Variants in GGA2 observed in about 807,000 individuals in gnomAD.
The protein encoded by GGA2 is ADP-ribosylation factor-binding protein GGA2.
Under a neutral mutation model 79.5 loss-of-function variants are expected in GGA2, and 48 were observed. That is an observed-to-expected ratio of 0.60 (90% CI 0.48 to 0.77). GGA2 has a LOEUF of 0.77. Among genes scored for constraint, GGA2 ranks in the 30% least tolerant of loss-of-function variants. The probability of loss-of-function intolerance (pLI) is 0.00; values close to 1 mark genes in which losing one functional copy is unlikely to be tolerated. For synonymous variants in GGA2, 317 were observed against 302.0 expected (o/e 1.05, Z -0.51); for missense variants, 770 against 774.0 (o/e 0.99, Z 0.06).
Position 23,465,651 on chromosome 16 carries a change from T to C in GGA2, c.*1939A>G, listed in dbSNP as rs1964427058. The C allele has an allele frequency of 2.0e-6, 1 of 500,724 alleles. No individual in the cohort carries two copies. 31.0% of individuals were successfully genotyped at this position (500,724 alleles called of 1,614,324 possible). A position where few individuals can be genotyped will look rare whatever the true frequency, so the allele number is the denominator to read the frequency against. On this transcript the variant is annotated 3_prime_UTR_variant, in exon 17 of 17. Transcript: ENST00000309859. ...CAACAGTAACAGAGCCTATAAAAGC[T>C]ACACAGAGGCCGGGTGCGGTGGCTC...
chr16:23,493,586 C>A, intron 3 of GGA2, 128 bp from the exon 4 acceptor site: 1 of 659,182 alleles, frequency 1.5e-6, no homozygotes, highest in Non-Finnish European at 2.7e-6. Context: ...CCTATGAGGA[C>A]ACTGAAGTTT....
chr16:23,499,304 C>G (rs1047289727), intron 1 of GGA2, among the ~76,000 whole-genome samples: 14 of 152,098 alleles, frequency 9.2e-5, no homozygotes, highest in South Asian at 4.1e-4. Flanking sequence ...ACCAACATGA[C>G]TGGCTAATTT....
chr16:23,519,250 C>G (rs1204126453), intron 2 of GGA2, among the ~76,000 whole-genome samples: 12 of 152,096 alleles, frequency 7.9e-5, no homozygotes, highest in African/African-American at 2.7e-4. Context: ...ACCATGTTTT[C>G]TAGGTTGGTC....
At chr16:23,486,979 C>T (rs1447916361) in intron 6 of GGA2, among the ~76,000 whole-genome samples, 189 bp from the exon 7 acceptor site, 1 of 89,898 alleles carries the variant, frequency 1.1e-5, no homozygotes, top group Non-Finnish European at 2.6e-5. Flanking sequence ...GTTTTCTTTT[C>T]TGTTGTTTTT....
chr16:23,474,176 G>A (rs1009611385), intron 14 of GGA2, among the ~76,000 whole-genome samples: 6 of 152,254 alleles, frequency 3.9e-5, no homozygotes, highest in African/African-American at 9.6e-5. Context: ...TCATCCACTC[G>A]TTTGAATTCT....
chr16:23,490,011 C>T (rs1457330854), intron 5 of GGA2, among the ~76,000 whole-genome samples: 1 of 152,152 alleles, frequency 6.6e-6, no homozygotes, highest in African/African-American at 2.4e-5. Context: ...TGCCTAAGAA[C>T]CAGGCTGAAT....
intron 14 of GGA2, among the ~76,000 whole-genome samples, chr16:23,471,123 G>A (rs1490312171): frequency 6.6e-6 from 1 of 152,022 alleles, no homozygotes; most frequent in Non-Finnish European, 1.5e-5. Context: ...TTACAGGCGT[G>A]AGCCACTGCA....
In GGA2 at chr16:23,479,891, G is replaced by A. The variant is rs1168532535; in HGVS notation, c.1007-4C>T. On this transcript the variant is annotated splice_region_variant and splice_polypyrimidine_tract_variant and intron_variant, in intron 10 of 16. Coordinates refer to ENST00000309859, the MANE Select transcript of GGA2 (RefSeq NM_015044.4). The stretch of plus-strand genomic sequence containing the variant: ...CAGCCTGCTGGATTCTGAAAGACTA[G>A]AAAGCCCAGGGTTAGGAAGAGAAGT... 1 of 1,613,958 alleles carries A rather than the reference G, an allele frequency of 6.2e-7. No homozygotes were observed. Among genetic ancestry groups the A allele is most frequent in the African/African-American group, 1.3e-5 (1 of 75,046 alleles).
chr16:23,497,467 C>A (rs1964870895), intron 1 of GGA2, among the ~76,000 whole-genome samples: 1 of 152,170 alleles, frequency 6.6e-6, no homozygotes, highest in East Asian at 1.9e-4. Context: ...ACGTGGAAGT[C>A]ATGTGTCTAG....
chr16:23,481,334 T>C (rs1275126141), intron 9 of GGA2, among the ~76,000 whole-genome samples: 1 of 152,014 alleles, frequency 6.6e-6, no homozygotes, highest in Non-Finnish European at 1.5e-5. Flanking sequence ...GATCGCACCA[T>C]TGCACTCCAG....
chr16:23,477,913 G>A (rs867951200), intron 13 of GGA2, among the ~76,000 whole-genome samples: 1 of 152,112 alleles, frequency 6.6e-6, no homozygotes, highest in Non-Finnish European at 1.5e-5. Flanking sequence ...CAAGGCATGA[G>A]CCACTGCACC....
chr16:23,477,922 C>T (rs1335761610), intron 13 of GGA2, among the ~76,000 whole-genome samples: 2 of 152,048 alleles, frequency 1.3e-5, no homozygotes, highest in Non-Finnish European at 2.9e-5. Flanking sequence ...AGCCACTGCA[C>T]CTGGCCTAAA....
chr16:23,478,680 A>G, intron 12 of GGA2, 179 bp from the exon 13 acceptor site: 1 of 746,372 alleles, frequency 1.3e-6, no homozygotes, highest in Non-Finnish European at 2.4e-6. Flanking sequence ...GCAGACCTCC[A>G]GGAAGCAGGA....
intron 1 of GGA2, among the ~76,000 whole-genome samples, chr16:23,503,950 G>A (rs562093277): frequency 6.6e-6 from 1 of 152,274 alleles, no homozygotes; most frequent in Non-Finnish European, 1.5e-5. Context: ...GTATGGTGCT[G>A]CATGCCTGCA....
intron 1 of GGA2, chr16:23,501,152 A>G: frequency 2.3e-6 from 1 of 434,064 alleles, no homozygotes; most frequent in Non-Finnish European, 4.6e-6. Flanking sequence ...ATGATCCCAA[A>G]CACAACTGTA....
intron 8 of GGA2, among the ~76,000 whole-genome samples, chr16:23,483,270 A>G (rs1964672173): frequency 6.6e-6 from 1 of 152,076 alleles, no homozygotes; most frequent in Non-Finnish European, 1.5e-5. Context: ...ACTTTAGGAG[A>G]CCAAGGTGGG....
intron 8 of GGA2, among the ~76,000 whole-genome samples, chr16:23,484,419 A>AAAAAC (rs1264011677): frequency 2.0e-5 from 3 of 152,188 alleles, no homozygotes; most frequent in Non-Finnish European, 2.9e-5. Context: ...CCTTGTCTCA[A>AAAAAC]AAAACAAAAC....
chr16:23,495,613 A>G (rs1964844858), intron 2 of GGA2, 81 bp downstream of exon 2: 2 of 778,096 alleles, frequency 2.6e-6, no homozygotes, highest in East Asian at 5.1e-5. Context: ...GCTTAACCCT[A>G]AAACAGTCTT....
rs1964427555 is a variant in GGA2 at position 23,465,673 on chromosome 16, G to C, written c.*1917C>G. ...AGCTACACAGAGGCCGGGTGCGGTG[G>C]CTCACGCCTGTAATCCCAGCACTCT... On this transcript the variant is annotated 3_prime_UTR_variant, in exon 17 of 17. Coordinates refer to ENST00000309859, the MANE Select transcript of GGA2 (RefSeq NM_015044.4). The C allele has an allele frequency of 2.4e-6, 1 of 420,620 alleles. No individual in the cohort carries two copies. Among genetic ancestry groups the C allele is most frequent in the South Asian group, 3.2e-5 (1 of 31,464 alleles). The allele number at this position is 420,620 out of a possible 1,614,324, so 26.1% of individuals were successfully genotyped here. A position where few individuals can be genotyped will look rare whatever the true frequency, so the allele number is the denominator to read the frequency against.
Sources: gnomAD v4.1 joint callset for allele counts (sites outside exome capture counted in the v4.1 genomes callset) on GRCh38, gnomAD v4.1.1 for gene constraint, MANE v1.5 for transcripts, NCBI Gene and HGNC (gene_info 2026-07-23, HGNC 2026-07-21) for gene names.